The following SLC49A4 variants were observed in gnomAD, a reference collection of about 807,000 sequenced individuals.
SLC49A4 encodes solute carrier family 49 member 4, also known as disrupted in renal cancer protein 2.
SLC49A4 carries 36 observed loss-of-function variants against 50.6 expected under a neutral mutation model. The observed-to-expected ratio is 0.71, with a 90% confidence interval of 0.55 to 0.94. SLC49A4 has a LOEUF of 0.94. SLC49A4 is among the 40% of genes least tolerant of loss of function. The pLI is 0.00. For missense variants in SLC49A4, 503 were observed against 605.7 expected (o/e 0.83, Z 1.78); for synonymous variants, 248 against 241.2 (o/e 1.03, Z -0.26).
chr3:122,856,461 A>G (rs1220915968), intron 6 of SLC49A4, 87 bp downstream of exon 6: 4 of 1,240,272 alleles, frequency 3.2e-6, no homozygotes, highest in Non-Finnish European at 3.5e-6. Flanking sequence ...AAACATTACA[A>G]TTCAGGGAAA....
At chr3:122,868,595 C>T (rs1937152470) in intron 7 of SLC49A4, among the ~76,000 whole-genome samples, 1 of 152,190 alleles carries the variant, frequency 6.6e-6, no homozygotes, top group African/African-American at 2.4e-5. Context: ...AATAATCAGC[C>T]TCTGCTTTAT....
chr3:122,872,109 C>A (rs1937203318), intron 7 of SLC49A4, among the ~76,000 whole-genome samples: 2 of 152,012 alleles, frequency 1.3e-5, no homozygotes, highest in Admixed American at 6.6e-5. Flanking sequence ...AGGAATGTGA[C>A]CAAGCAGGAG....
chr3:122,879,196 G>A (rs1046249652), intron 8 of SLC49A4, 67 bp from the exon 9 acceptor site: 21 of 1,128,386 alleles, frequency 1.9e-5, no homozygotes, highest in Admixed American at 8.9e-5. Context: ...GATTCCTTCC[G>A]GCATACAGGT....
In SLC49A4 at chr3:122,866,517, A is replaced by G. The variant is rs540287387; in HGVS notation, c.1139-5898A>G. On this transcript the variant is annotated intron_variant, in intron 7 of 8. Transcript: ENST00000261038. ...CCTGTCTACAACTTAAATATCTCCCACAAGAGAAGACATCACCTGTTTTGT... is the reference window on the plus strand; with the variant it reads ...CCTGTCTACAACTTAAATATCTCCCGCAAGAGAAGACATCACCTGTTTTGT... Among the ~76,000 whole-genome samples, 7 of 152,228 alleles carry G rather than the reference A, an allele frequency of 4.6e-5. No individual in the cohort carries two copies. The South Asian group carries it at 8.3e-4, about 18-fold the overall frequency.
At chr3:122,801,226 C>T (rs1268759160) in intron 1 of SLC49A4, among the ~76,000 whole-genome samples, 1 of 152,142 alleles carries the variant, frequency 6.6e-6, no homozygotes, top group Non-Finnish European at 1.5e-5. Context: ...ATTGTCATTC[C>T]GTATTTAATC....
chr3:122,795,349 C>T lies in SLC49A4; in HGVS notation c.157C>T (p.Leu53=). ...CGGGCGGGTATACGGGCGCCGCTGG[C>T]TGGTGCTGCTGCTCTTCTCGCTGCT... ...GPGRVYGRRW[L]VLLLFSLLAF... is the part of the protein sequence containing the mutation. Residue 53 remains leucine, a synonymous_variant, in exon 1 of 9, where the codon CTG becomes TTG. Transcript: ENST00000261038. 6.4e-7 allele frequency: 1 copy of T among 1,572,794 alleles called. No individual in the cohort carries two copies. Among genetic ancestry groups the T allele is most frequent in the Non-Finnish European group, 8.6e-7 (1 of 1,166,702 alleles).
intron 2 of SLC49A4, among the ~76,000 whole-genome samples, chr3:122,818,960 A>T (rs947795357): frequency 6.6e-6 from 1 of 151,658 alleles, no homozygotes; most frequent in African/African-American, 2.4e-5. Flanking sequence ...CAAAAAAAAA[A>T]ATATTGTGAG....
chr3:122,804,380 G>A (rs1302593552), intron 1 of SLC49A4, among the ~76,000 whole-genome samples: 1 of 152,132 alleles, frequency 6.6e-6, no homozygotes, highest in Admixed American at 6.6e-5. Context: ...CCAACATTGA[G>A]GATTACATTT....
intron 5 of SLC49A4, among the ~76,000 whole-genome samples, chr3:122,855,041 C>T (rs530758581): frequency 6.0e-5 from 9 of 151,150 alleles, no homozygotes; most frequent in African/African-American, 1.7e-4. Flanking sequence ...TACAGTGAGC[C>T]GAGATCGTGC....
intron 2 of SLC49A4, among the ~76,000 whole-genome samples, chr3:122,826,488 T>C (rs1447059596): frequency 1.3e-5 from 2 of 152,204 alleles, no homozygotes; most frequent in Non-Finnish European, 1.5e-5. Context: ...AGTGTTGTTA[T>C]AACAACTAAA....
chr3:122,822,712 T>C (rs1373007130), intron 2 of SLC49A4, among the ~76,000 whole-genome samples: 1 of 152,220 alleles, frequency 6.6e-6, no homozygotes, highest in Admixed American at 6.5e-5. Context: ...TGCCTTGTAA[T>C]GGCTCCTTCT....
chr3:122,857,284 T>TAAAAAAAAAAA (rs10694942), intron 6 of SLC49A4, among the ~76,000 whole-genome samples: 1 of 109,410 alleles, frequency 9.1e-6, no homozygotes, highest in East Asian at 2.8e-4. Context: ...CCATTCGTTC[T>TAAAAAAAAAAA]AAAAAAAAAA....
At chr3:122,850,718 C>G (rs535031082) in intron 5 of SLC49A4, among the ~76,000 whole-genome samples, 1 of 152,256 alleles carries the variant, frequency 6.6e-6, no homozygotes, top group South Asian at 2.1e-4. Context: ...GTTTCCCAGG[C>G]TGGTCTGGAA....
At chr3:122,802,515 A>G (rs1362255875) in intron 1 of SLC49A4, among the ~76,000 whole-genome samples, 5 of 152,214 alleles carry the variant, frequency 3.3e-5, no homozygotes, top group African/African-American at 1.2e-4. Flanking sequence ...GACTGGAGGA[A>G]GGACTGCCAA....
chr3:122,840,394 ATTTGT>A (rs925118666), intron 4 of SLC49A4, among the ~76,000 whole-genome samples: 29 of 152,352 alleles, frequency 1.9e-4, no homozygotes, highest in African/African-American at 5.8e-4. Flanking sequence ...ATTTTTAAAA[ATTTGT>A]TTTAATTTTT....
At chr3:122,815,399 A>G (rs953360949) in intron 2 of SLC49A4, among the ~76,000 whole-genome samples, 1 of 152,080 alleles carries the variant, frequency 6.6e-6, no homozygotes, top group African/African-American at 2.4e-5. Context: ...TGTTTGTGTC[A>G]TTTCTAGCCA....
chr3:122,854,532 A>G (rs557097836), intron 5 of SLC49A4, among the ~76,000 whole-genome samples: 9 of 152,304 alleles, frequency 5.9e-5, no homozygotes, highest in African/African-American at 1.7e-4. Context: ...GGACCTTGTC[A>G]TTATATGCAT....
intron 3 of SLC49A4, among the ~76,000 whole-genome samples, chr3:122,828,009 G>A (rs1420825459): frequency 6.6e-6 from 1 of 152,232 alleles, no homozygotes; most frequent in Non-Finnish European, 1.5e-5. Context: ...GGAACTGCAA[G>A]TAATTGAGTA....
At chr3:122,806,576 A>G (rs1936222087) in intron 1 of SLC49A4, among the ~76,000 whole-genome samples, 1 of 151,784 alleles carries the variant, frequency 6.6e-6, no homozygotes, top group Non-Finnish European at 1.5e-5. Context: ...CAGTTTTACC[A>G]TGTTGCCCAG....
Sources: allele counts gnomAD v4.1 joint callset (sites outside exome capture counted in the v4.1 genomes callset), GRCh38; gene constraint gnomAD v4.1.1; transcripts MANE v1.5; gene names NCBI Gene and HGNC (gene_info 2026-07-23, HGNC 2026-07-21).